Variants in SRGAP3 observed in about 807,000 individuals in gnomAD.
The protein encoded by SRGAP3 is SLIT-ROBO Rho GTPase-activating protein 3.
SRGAP3 carries 39 observed loss-of-function variants against 121.1 expected under a neutral mutation model. The observed-to-expected ratio is 0.32, with a 90% CI of 0.25 to 0.42. The LOEUF (loss-of-function observed/expected upper bound fraction) is 0.42, where lower values mean the gene tolerates loss of function less well. SRGAP3 is among the 10% of genes least tolerant of loss of function. The pLI, the probability that SRGAP3 is intolerant of heterozygous loss-of-function variation, is 1.00. For synonymous variants in SRGAP3, 601 were observed against 570.0 expected, an observed-to-expected ratio of 1.05 and a Z score of -0.77; for missense variants, 1,213 against 1,470.6, an observed-to-expected ratio of 0.82 and a Z score of 2.86.
intron 1 of SRGAP3, chr3:9,362,748 A>T (rs1331835058): frequency 6.6e-6 from 1 of 152,182 alleles, no homozygotes; most frequent in Non-Finnish European, 1.5e-5. Flanking sequence ...CGGTGTCTCC[A>T]GCTTTAAAAC....
chr3:9,142,404 G>A (rs562403218), intron 1 of SRGAP3, among the ~76,000 whole-genome samples: 31 of 152,290 alleles, frequency 2.0e-4, no homozygotes, highest in African/African-American at 7.5e-4. Context: ...ATCTCCCAAT[G>A]TCGTAGCAAA....
intron 2 of SRGAP3, among the ~76,000 whole-genome samples, chr3:9,110,875 G>A (rs1948598799): frequency 6.6e-6 from 1 of 152,254 alleles, no homozygotes. Flanking sequence ...CCCACAGGTG[G>A]GACTCAGCAC....
intron 9 of SRGAP3, among the ~76,000 whole-genome samples, chr3:9,050,148 C>A (rs28420524): frequency 0.026 from 3,915 of 152,290 alleles, 101 homozygotes; most frequent in African/African-American, 0.069. Flanking sequence ...TGAGAACCTG[C>A]ATTTTTAACA....
In SRGAP3 at chr3:8,985,326, G is replaced by A; in HGVS notation, c.*193C>T. 1 of 1,242,482 alleles carries A rather than the reference G, an allele frequency of 8.0e-7. No homozygotes were observed. Among genetic ancestry groups the A allele is most frequent in the South Asian group, 1.6e-5 (1 of 61,148 alleles). 77.0% of individuals were successfully genotyped at this position (1,242,482 alleles called of 1,614,324 possible). A position where few individuals can be genotyped will look rare whatever the true frequency, so the allele number is the denominator to read the frequency against. ...TCTGGTCGTCTGTTGACACGCGAGAGGTCCGTGGGATTCCCATGGCTGGAC... is the reference window on the plus strand; with the variant it reads ...TCTGGTCGTCTGTTGACACGCGAGAAGTCCGTGGGATTCCCATGGCTGGAC... On this transcript the variant is annotated 3_prime_UTR_variant, in exon 22 of 22. Coordinates refer to ENST00000383836, the MANE Select transcript of SRGAP3 (RefSeq NM_014850.4). The surrounding 1 kb of genome is among the most constrained non-coding windows in gnomAD (Gnocchi z 5.1).
chr3:9,150,977 A>T (rs1319265928), intron 1 of SRGAP3, among the ~76,000 whole-genome samples: 1 of 152,238 alleles, frequency 6.6e-6, no homozygotes, highest in Non-Finnish European at 1.5e-5. Flanking sequence ...CAGAGCTTAG[A>T]GGTGGCAATC....
At chr3:9,202,584 C>A (rs1484353132) in intron 1 of SRGAP3, among the ~76,000 whole-genome samples, 1 of 152,226 alleles carries the variant, frequency 6.6e-6, no homozygotes, top group African/African-American at 2.4e-5. Context: ...AGGCACAGAC[C>A]TCCACATGGA....
At chr3:9,090,616 A>G (rs1947713248) in intron 3 of SRGAP3, among the ~76,000 whole-genome samples, 1 of 152,292 alleles carries the variant, frequency 6.6e-6, no homozygotes, top group East Asian at 1.9e-4. Context: ...TTTATGAGTT[A>G]CATTTGAAAA....
At chr3:9,219,189 TAGTCTGTATTGTTCTAA>T (rs1952724279) in intron 1 of SRGAP3, 1 of 152,092 alleles carries the variant, frequency 6.6e-6, no homozygotes, top group Admixed American at 6.6e-5. Context: ...GCTTAGATTT[TAGTCTGTATTGTTCTAA>T]AGGAGAGAGG....
intron 20 of SRGAP3, 107 bp from the exon 21 acceptor site, chr3:8,990,946 G>A (rs1231979427): frequency 8.8e-6 from 9 of 1,017,560 alleles, no homozygotes; most frequent in African/African-American, 1.6e-5. Context: ...AGTCTAAGGA[G>A]CGGGTACAGT....
chr3:9,350,528 G>A (rs79933205), intron 1 of SRGAP3, among the ~76,000 whole-genome samples: 4,466 of 152,298 alleles, frequency 0.029, 235 homozygotes, highest in African/African-American at 0.1. Context: ...ATGATGGCTA[G>A]GAGGGTCCCA....
intron 3 of SRGAP3, chr3:9,081,279 C>A (rs1392519336): frequency 4.4e-6 from 2 of 456,550 alleles, no homozygotes; most frequent in African/African-American, 2.0e-5. Flanking sequence ...CTGACACAGT[C>A]GCAAGTCCAC....
At chr3:9,110,492 C>G (rs188206183) in intron 2 of SRGAP3, among the ~76,000 whole-genome samples, 116 of 152,358 alleles carry the variant, frequency 7.6e-4, no homozygotes, top group African/African-American at 2.7e-3. Context: ...GGTCAATCCC[C>G]GGGAAGCATG....
At chr3:9,360,932 T>C (rs2030765839) in intron 1 of SRGAP3, among the ~76,000 whole-genome samples, 1 of 152,328 alleles carries the variant, frequency 6.6e-6, no homozygotes. Context: ...CACATACTCA[T>C]TAGAACTTGG....
chr3:9,058,134 C>CGGA, intron 7 of SRGAP3, 117 bp downstream of exon 7: 1 of 1,111,212 alleles, frequency 9.0e-7, no homozygotes, highest in South Asian at 1.3e-5. Flanking sequence ...GAACCAGGAG[C>CGGA]TTGACCCCAG....
chr3:9,130,000 G>A (rs1344324543), intron 1 of SRGAP3, among the ~76,000 whole-genome samples: 9 of 152,110 alleles, frequency 5.9e-5, no homozygotes, highest in African/African-American at 2.4e-5. Context: ...GACCTCAGGT[G>A]ATCTGCCCAC....
intron 1 of SRGAP3, among the ~76,000 whole-genome samples, chr3:9,134,390 A>G (rs2675188): frequency 0.51 from 77,601 of 151,856 alleles, 21,649 homozygotes; most frequent in Non-Finnish European, 0.62. Context: ...GTACCTTCCC[A>G]GTGTAAATTT....
chr3:9,333,011 C>A (rs1425909085), intron 1 of SRGAP3, among the ~76,000 whole-genome samples: 1 of 152,134 alleles, frequency 6.6e-6, no homozygotes, highest in Admixed American at 6.5e-5. Flanking sequence ...ACATTCGCAA[C>A]CACAATGGCA....
intron 1 of SRGAP3, among the ~76,000 whole-genome samples, chr3:9,173,479 G>A (rs957346166): frequency 6.6e-6 from 1 of 152,204 alleles, no homozygotes; most frequent in Non-Finnish European, 1.5e-5. Flanking sequence ...TGGACAGTGG[G>A]AGAAATAGCT....
chr3:9,279,108 G>GA (rs372059347), intron 3 of SRGAP3, among the ~76,000 whole-genome samples: 138 of 148,794 alleles, frequency 9.3e-4, no homozygotes, highest in Non-Finnish European at 3.9e-4. Flanking sequence ...GGGCAACAGG[G>GA]AAAAAAAAAG....
Sources: gnomAD v4.1 joint callset for allele counts (sites outside exome capture counted in the v4.1 genomes callset) on GRCh38, gnomAD v4.1.1 for gene constraint, Gnocchi (gnomAD v3.1) non-coding constraint, MANE v1.5 for transcripts, NCBI Gene and HGNC (gene_info 2026-07-23, HGNC 2026-07-21) for gene names.